Variants in MOV10 observed in about 807,000 individuals in gnomAD.
MOV10 encodes Mov10 RNA helicase.
Under a neutral mutation model 108.4 loss-of-function variants are expected in MOV10, and 39 were observed. The ratio of observed to expected loss-of-function variants is 0.36; its 90% CI spans 0.28 to 0.47. MOV10 has a LOEUF of 0.47. MOV10 is among the 20% of genes least tolerant of loss of function. The pLI, the probability that MOV10 is intolerant of heterozygous loss-of-function variation, is 1.00. For missense variants in MOV10, 952 were observed against 1,297.6 expected (o/e 0.73, Z 4.09); for synonymous variants, 490 against 523.1 (o/e 0.94, Z 0.86).
At chr1:112,679,061 C>T (rs1315382309) in intron 2 of MOV10, among the ~76,000 whole-genome samples, 1 of 152,100 alleles carries the variant, frequency 6.6e-6, no homozygotes, top group African/African-American at 2.4e-5. Flanking sequence ...AATCCATAGT[C>T]TATAGATTGT....
At position 112,699,956 on chromosome 1, in the gene MOV10, C is replaced by G. The variant is rs1243551691; in HGVS notation, c.2772C>G (p.Leu924=). 1 of 1,614,224 alleles carries G rather than the reference C, an allele frequency of 6.2e-7. No homozygotes were observed. The highest frequency in any genetic ancestry group is 8.5e-7 in the Non-Finnish European group (1 of 1,180,034). The change falls in exon 19 of 21, where the codon CTC becomes CTG. Residue 924 remains leucine (L), a synonymous_variant. Transcript: ENST00000369645. ...TCATCATCGTGGGGAACCCCCTTCT[C>G]CTGGGCCATGACCCTGACTGGAAAG... is the stretch of plus-strand genomic sequence containing the variant. ...ALLIIVGNPL[L]LGHDPDWKVF...
At chr1:112,691,642 G>A in intron 5 of MOV10, 23 bp from the exon 6 acceptor site, 1 of 1,608,888 alleles carries the variant, frequency 6.2e-7, no homozygotes. Flanking sequence ...GGTTTTCTGT[G>A]TTTTCTTCCC....
Position 112,699,680 on chromosome 1 carries a change from A to T in MOV10, c.2584-5A>T, listed in dbSNP as rs549815178. ...GGTCTCAGGCCCTGCCTCTTTCCCC[A>T]CTAGGTGGGTTCAGTAGAAGAATTC... On this transcript the variant is annotated splice_polypyrimidine_tract_variant and splice_region_variant and intron_variant, in intron 17 of 20. Transcript: ENST00000369645. 3.7e-6 allele frequency: 6 copies of T among 1,614,082 alleles called. No homozygotes were observed. Among genetic ancestry groups the T allele is most frequent in the Non-Finnish European group, 5.1e-6 (6 of 1,180,004 alleles).
intron 15 of MOV10, 63 bp downstream of exon 15, chr1:112,698,174 C>T (rs1674282572): frequency 6.3e-7 from 1 of 1,590,680 alleles, no homozygotes; most frequent in Non-Finnish European, 8.6e-7. Flanking sequence ...GAAGGTGCAG[C>T]CCCTCCCTTT....
In MOV10 at chr1:112,694,790, A is replaced by C. The variant is rs767358480; in HGVS notation, c.1514A>C (p.Gln505Pro). 6.2e-7 allele frequency: 1 copy of C among 1,614,172 alleles called. No individual in the cohort carries two copies. The highest frequency in any genetic ancestry group is 1.1e-5 in the South Asian group (1 of 91,084). The part of the protein sequence containing the change: ...RSLESNPEQL[Q>P]AMRHIVTGTT... ...CTGGAGTCAAACCCAGAGCAGCTGC[A>C]GGCCATGAGGCACATTGTTACGGGC... Residue 505 changes from glutamine (Q) to proline (P), a missense_variant, in exon 10 of 21, where the codon CAG becomes CCG. Coordinates refer to ENST00000369645, the MANE Select transcript of MOV10 (RefSeq NM_001321324.2). The surrounding 1 kb of genome is among the most constrained non-coding windows in gnomAD (Gnocchi z 4.1).
At chr1:112,688,603 A>G in intron 2 of MOV10, 1 of 1,214,446 alleles carries the variant, frequency 8.2e-7, no homozygotes, top group Non-Finnish European at 1.0e-6. Flanking sequence ...AGTTTCCCCC[A>G]CAAAAAGAAC....
intron 2 of MOV10, among the ~76,000 whole-genome samples, chr1:112,679,601 A>C (rs2101256708): frequency 6.6e-6 from 1 of 152,122 alleles, no homozygotes; most frequent in East Asian, 1.9e-4. Flanking sequence ...GGCCTAGTGT[A>C]GGGGTATGAA....
At chr1:112,685,783 A>C (rs1204173971) in intron 2 of MOV10, among the ~76,000 whole-genome samples, 1 of 152,196 alleles carries the variant, frequency 6.6e-6, no homozygotes, top group Non-Finnish European at 1.5e-5. Flanking sequence ...TTTAAAAATA[A>C]TTTTTGTATG....
At chr1:112,680,422 A>C (rs1033422229) in intron 2 of MOV10, among the ~76,000 whole-genome samples, 6 of 151,430 alleles carry the variant, frequency 4.0e-5, no homozygotes, top group Non-Finnish European at 8.8e-5. Context: ...TTTGGGAGGC[A>C]GAGGTGGGCG....
In MOV10 at chr1:112,698,528, C is replaced by A. The variant is rs1674325647; in HGVS notation, c.2508+50C>A. ...GGTGGGGCCCCTCCCCCAGATGGTA[C>A]CTCCTTAATATCCAGACCACTAGGC... On this transcript the variant is annotated intron_variant, in intron 16 of 20. Coordinates refer to ENST00000369645, the MANE Select transcript of MOV10 (RefSeq NM_001321324.2). 8 of 1,572,252 alleles carry A rather than the reference C, an allele frequency of 5.1e-6. No individual in the cohort carries two copies. In the East Asian group the frequency reaches 9.0e-5, roughly 18 times the overall value.
chr1:112,681,989 G>A (rs1672694532), intron 2 of MOV10, among the ~76,000 whole-genome samples: 1 of 151,538 alleles, frequency 6.6e-6, no homozygotes. Flanking sequence ...TCCGCCTCTG[G>A]GATTCAAGCA....
At chr1:112,688,269 C>A (rs1205713270) in intron 2 of MOV10, 1 of 786,242 alleles carries the variant, frequency 1.3e-6, no homozygotes, top group Non-Finnish European at 1.5e-6. Context: ...GAACTCCAGG[C>A]ACTGAGCCTT....
rs1056872011 is a variant in MOV10 at position 112,675,126 on chromosome 1, C to A, written c.137+77C>A. The A allele has an allele frequency of 5.4e-5, 83 of 1,538,340 alleles. No homozygotes were observed. In the African/African-American group the frequency reaches 9.6e-4, roughly 18 times the overall value. On this transcript the variant is annotated intron_variant, in intron 2 of 20. Transcript: ENST00000369645. This position sits in a 1 kb window ranked among gnomAD's most constrained non-coding sequence, Gnocchi z 4.7. ...CGACCCCCGCGCGAGGGCCACCTTT[C>A]CCGCCCCGGGGCGCAGAGGGACGCA...
rs1202889083 is a variant in MOV10 at position 112,689,564 on chromosome 1, C to T, written c.491C>T (p.Thr164Ile). The change falls in exon 4 of 21, where the codon ACC (threonine) becomes ATC (isoleucine). Residue 164 changes from threonine (T) to isoleucine (I), a missense_variant. By Grantham distance (89) the Thr-to-Ile change is moderately conservative (BLOSUM62 -1). Transcript: ENST00000369645. ...CGGAATGGCGGAACCCAGTCTGTTA[C>T]CCTCACTCACCTCTTCCCACTCTGC... The part of the protein sequence containing the change: ...RLRNGGTQSV[T>I]LTHLFPLCRT... 2 of 1,614,226 alleles carry T rather than the reference C, an allele frequency of 1.2e-6. No homozygotes were observed. Among genetic ancestry groups the T allele is most frequent in the Non-Finnish European group, 8.5e-7 (1 of 1,180,034 alleles).
intron 2 of MOV10, among the ~76,000 whole-genome samples, chr1:112,681,042 A>G (rs984792192): frequency 5.9e-5 from 9 of 152,010 alleles, no homozygotes; most frequent in African/African-American, 1.7e-4. Flanking sequence ...TCACACCTAC[A>G]TAAGTTTACA....
At chr1:112,690,159 C>G (rs1442592973) in intron 5 of MOV10, 61 bp downstream of exon 5, 2 of 1,575,968 alleles carry the variant, frequency 1.3e-6, no homozygotes, top group African/African-American at 1.4e-5. Context: ...TGGGCCAGGG[C>G]TTTGGGAAGA....
chr1:112,686,738 A>G (rs1187529576), intron 2 of MOV10, among the ~76,000 whole-genome samples: 4 of 152,208 alleles, frequency 2.6e-5, no homozygotes, highest in African/African-American at 9.7e-5. Context: ...TCTCAGAGAT[A>G]GTCCTAGAAG....
At position 112,694,486 on chromosome 1, in the gene MOV10, C is replaced by T. The variant is rs766957229; in HGVS notation, c.1329C>T (p.Phe443=). 113 of 1,614,012 alleles carry T rather than the reference C, an allele frequency of 7.0e-5. No homozygotes were observed. The East Asian group carries it at 2.4e-3, about 35-fold the overall frequency. The part of the protein sequence containing the change: ...LLSRFVDGLT[F]KVNFTFNRQP... The stretch of plus-strand genomic sequence containing the variant: ...GCCGCTTTGTGGATGGGCTGACCTT[C>T]AAGGTGAACTTTACCTTCAACCGCC... The change falls in exon 9 of 21, where the codon TTC becomes TTT. Residue 443 remains phenylalanine, a synonymous_variant. Coordinates refer to ENST00000369645, the MANE Select transcript of MOV10 (RefSeq NM_001321324.2). The surrounding 1 kb of genome is among the most constrained non-coding windows in gnomAD (Gnocchi z 4.1).
At chr1:112,682,399 T>A (rs1672730357) in intron 2 of MOV10, among the ~76,000 whole-genome samples, 1 of 152,164 alleles carries the variant, frequency 6.6e-6, no homozygotes. Context: ...AATTTTTCAT[T>A]TTTTGTGGAG....
Sources: gnomAD v4.1 joint callset for allele counts (sites outside exome capture counted in the v4.1 genomes callset) on GRCh38, gnomAD v4.1.1 for gene constraint, Gnocchi (gnomAD v3.1) non-coding constraint, MANE v1.5 for transcripts, NCBI Gene and HGNC (gene_info 2026-07-23, HGNC 2026-07-21) for gene names.